The following VPS13A variants were observed in gnomAD, a reference collection of about 807,000 sequenced individuals.
VPS13A encodes the protein intermembrane lipid transfer protein VPS13A.
VPS13A carries 264 observed loss-of-function variants against 390.9 expected under a neutral mutation model. The observed-to-expected ratio is 0.68, with a 90% CI of 0.61 to 0.75. VPS13A has a LOEUF of 0.75. Among genes scored for constraint, VPS13A ranks in the 30% least tolerant of loss-of-function variants. The probability of loss-of-function intolerance (pLI) is 0.00; values close to 1 mark genes in which losing one functional copy is unlikely to be tolerated. For synonymous variants in VPS13A, 1,231 were observed against 1,227.1 expected, an observed-to-expected ratio of 1.00 and a Z score of -0.07; for missense variants, 3,409 against 3,733.9, an observed-to-expected ratio of 0.91 and a Z score of 2.27.
chr9:77,285,391 A>T (rs1410323799), intron 31 of VPS13A, among the ~76,000 whole-genome samples: 3 of 152,242 alleles, frequency 2.0e-5, no homozygotes, highest in Non-Finnish European at 4.4e-5. Context: ...CTGTAGCACC[A>T]TTGGACAAAT....
chr9:77,210,507 G>A, intron 6 of VPS13A, 109 bp from the exon 7 acceptor site: 1 of 1,061,018 alleles, frequency 9.4e-7, no homozygotes. Context: ...GCCTTCCAGA[G>A]TGCTGGGATT....
intron 19 of VPS13A, among the ~76,000 whole-genome samples, chr9:77,243,229 G>GTTTCAGA (rs1824610821): frequency 6.6e-6 from 1 of 152,050 alleles, no homozygotes; most frequent in African/African-American, 2.4e-5. Context: ...GATCAGAAAT[G>GTTTCAGA]TTTCAGATTT....
intron 25 of VPS13A, 99 bp from the exon 26 acceptor site, chr9:77,275,966 C>CA (rs1166739448): frequency 4.9e-6 from 6 of 1,213,852 alleles, no homozygotes; most frequent in Non-Finnish European, 7.0e-6. Context: ...AATAATATAT[C>CA]AATTGTATGT....
chr9:77,345,064 T>G lies in VPS13A; in HGVS notation c.7211T>G (p.Phe2404Cys). The change falls in exon 52 of 72, where the codon TTT becomes TGT. Residue 2404 changes from phenylalanine to cysteine, a missense_variant. Physicochemically the swap from Phe to Cys is radical, Grantham distance 205. This residue lies in a region of VPS13A where 2,717 missense variants were observed against 2,917.4 expected (regional missense o/e 0.93). Coordinates refer to ENST00000360280, the MANE Select transcript of VPS13A (RefSeq NM_033305.3). Reference sequence around the variant, plus strand: ...GCCGAGCATTCTACAGTTATTACATTTTTAGATTATCATGATGGAGCAGCT... The same window carrying G: ...GCCGAGCATTCTACAGTTATTACATGTTTAGATTATCATGATGGAGCAGCT... The part of the protein sequence containing the change: ...NLAEHSTVIT[F>C]LDYHDGAATF... 6.2e-7 allele frequency: 1 copy of G among 1,613,266 alleles called. No homozygotes were observed. Among genetic ancestry groups the G allele is most frequent in the Non-Finnish European group, 8.5e-7 (1 of 1,179,824 alleles).
chr9:77,286,269 G>C (rs1328486480), intron 31 of VPS13A, among the ~76,000 whole-genome samples: 2 of 152,144 alleles, frequency 1.3e-5, no homozygotes, highest in Non-Finnish European at 2.9e-5. Flanking sequence ...AGGCATGTTG[G>C]TCAGATGGGA....
intron 19 of VPS13A, among the ~76,000 whole-genome samples, chr9:77,238,771 CGATT>C (rs1331508654): frequency 2.0e-5 from 3 of 152,090 alleles, no homozygotes; most frequent in Non-Finnish European, 4.4e-5. Flanking sequence ...AGGTCGGGTA[CGATT>C]TCTTCCTTAA....
chr9:77,328,848 C>G (rs575356997), intron 45 of VPS13A, among the ~76,000 whole-genome samples: 1 of 152,246 alleles, frequency 6.6e-6, no homozygotes, highest in African/African-American at 2.4e-5. Flanking sequence ...AAGAACTGCC[C>G]AGGACTTAGT....
chr9:77,322,037 T>G (rs2131451532), intron 44 of VPS13A, among the ~76,000 whole-genome samples: 1 of 152,078 alleles, frequency 6.6e-6, no homozygotes, highest in South Asian at 2.1e-4. Context: ...TCGCCCTCAT[T>G]CTGCTTTTAT....
At chr9:77,290,190 G>A (rs917478739) in intron 31 of VPS13A, among the ~76,000 whole-genome samples, 4 of 152,160 alleles carry the variant, frequency 2.6e-5, no homozygotes, top group East Asian at 1.9e-4. Context: ...TAATTTTTCT[G>A]AGTGACATTT....
chr9:77,382,096 A>G lies in VPS13A; in HGVS notation c.9189+9A>G. On this transcript the variant is annotated intron_variant, in intron 68 of 71. Coordinates refer to ENST00000360280, the MANE Select transcript of VPS13A (RefSeq NM_033305.3). ...GAAATCAAATGTTACAGGTAAATTA[A>G]GAGCTATCTTATAAATTAAGATTAA... 6.3e-7 allele frequency: 1 copy of G among 1,592,908 alleles called. No individual in the cohort carries two copies.
chr9:77,416,169 A>C lies in VPS13A; in HGVS notation c.*163A>C. On this transcript the variant is annotated 3_prime_UTR_variant, in exon 72 of 72. Coordinates refer to ENST00000360280, the MANE Select transcript of VPS13A (RefSeq NM_033305.3). ...AAAAAAACAAAAACAAAAAAACAAA[A>C]CCAGAATCAGGTAAAACAGCTATGT... The C allele has an allele frequency of 5.1e-6, 4 of 785,178 alleles. No individual in the cohort carries two copies. The highest frequency in any genetic ancestry group is 8.3e-6 in the Non-Finnish European group (4 of 479,926). 48.6% of individuals were successfully genotyped at this position (785,178 alleles called of 1,614,324 possible). A position where few individuals can be genotyped will look rare whatever the true frequency, so the allele number is the denominator to read the frequency against.
At chr9:77,260,350 ACTT>A in intron 23 of VPS13A, 126 bp downstream of exon 23, 11 of 712,296 alleles carry the variant, frequency 1.5e-5, no homozygotes, top group South Asian at 4.5e-5. Flanking sequence ...TAAGAAAATT[ACTT>A]TTTTTTTTTT....
intron 45 of VPS13A, among the ~76,000 whole-genome samples, chr9:77,323,548 T>A (rs1055512994): frequency 2.6e-5 from 4 of 152,134 alleles, no homozygotes; most frequent in Non-Finnish European, 4.4e-5. Context: ...TTAGATAATT[T>A]TTAGAGAAAT....
intron 1 of VPS13A, among the ~76,000 whole-genome samples, chr9:77,179,030 G>A (rs13294928): frequency 0.017 from 2,552 of 152,252 alleles, 45 homozygotes; most frequent in Non-Finnish European, 0.022. Flanking sequence ...TAGCTGCTCA[G>A]CCTGTTTGAT....
chr9:77,399,181 TA>T (rs1223344360), intron 68 of VPS13A, among the ~76,000 whole-genome samples: 806 of 35,016 alleles, frequency 0.023, 4 homozygotes, highest in South Asian at 0.088. Context: ...AAAAAAAAAA[TA>T]AAAAAAAAAA....
intron 33 of VPS13A, among the ~76,000 whole-genome samples, 177 bp downstream of exon 33, chr9:77,296,023 T>TA (rs1253175025): frequency 6.6e-6 from 1 of 152,206 alleles, no homozygotes; most frequent in African/African-American, 2.4e-5. Flanking sequence ...CTTTGCATTT[T>TA]AAAAAACCTA....
At chr9:77,350,687 GT>G (rs1018315279) in intron 52 of VPS13A, among the ~76,000 whole-genome samples, 38 of 151,992 alleles carry the variant, frequency 2.5e-4, no homozygotes, top group African/African-American at 5.6e-4. Flanking sequence ...ATGTGTTAGG[GT>G]TTTTTCCCCC....
At chr9:77,350,388 A>G (rs1261146765) in intron 52 of VPS13A, among the ~76,000 whole-genome samples, 1 of 152,188 alleles carries the variant, frequency 6.6e-6, no homozygotes, top group Admixed American at 6.5e-5. Flanking sequence ...CAGGTTCCTC[A>G]ATATTTCTAT....
At chr9:77,183,995 A>G (rs1358059462) in intron 1 of VPS13A, among the ~76,000 whole-genome samples, 2 of 152,250 alleles carry the variant, frequency 1.3e-5, no homozygotes, top group Non-Finnish European at 2.9e-5. Flanking sequence ...TAAGTTGTAG[A>G]GATGAGCTCA....
Sources: allele counts gnomAD v4.1 joint callset (sites outside exome capture counted in the v4.1 genomes callset), GRCh38; gene constraint gnomAD v4.1.1; regional missense constraint gnomAD v4.1.1; transcripts MANE v1.5; gene names NCBI Gene and HGNC (gene_info 2026-07-23, HGNC 2026-07-21).